The following ASCC3 variants were observed in gnomAD, a reference collection of about 807,000 sequenced individuals.
The protein encoded by ASCC3 is activating signal cointegrator 1 complex subunit 3, also known as ASC-1 complex subunit P200.
A neutral mutation model predicts 256.3 loss-of-function variants in ASCC3; 158 were observed. That is an observed-to-expected ratio of 0.62 (90% CI 0.54 to 0.70). ASCC3 has a LOEUF of 0.70. ASCC3 is among the 30% of genes least tolerant of loss of function. ASCC3 has a pLI of 0.00. For missense variants in ASCC3, 2,259 were observed against 2,626.0 expected (o/e 0.86, Z 3.05); for synonymous variants, 948 against 883.4 (o/e 1.07, Z -1.30).
intron 13 of ASCC3, among the ~76,000 whole-genome samples, chr6:100,686,539 T>C (rs1562226011): frequency 6.6e-6 from 1 of 152,170 alleles, no homozygotes; most frequent in Admixed American, 6.5e-5. Flanking sequence ...CTCACATCAG[T>C]ATAGTTTTCT....
At chr6:100,839,271 T>G (rs971995872) in intron 4 of ASCC3, among the ~76,000 whole-genome samples, 1 of 152,130 alleles carries the variant, frequency 6.6e-6, no homozygotes, top group African/African-American at 2.4e-5. Flanking sequence ...GTTAGATACC[T>G]TTTATGTCCC....
chr6:100,672,822 T>C (rs913883664), intron 14 of ASCC3, among the ~76,000 whole-genome samples: 1 of 152,086 alleles, frequency 6.6e-6, no homozygotes, highest in Non-Finnish European at 1.5e-5. Context: ...TCATAACTGA[T>C]ACATGTGTCT....
chr6:100,761,197 G>A (rs1478539795), intron 10 of ASCC3, among the ~76,000 whole-genome samples: 1 of 152,178 alleles, frequency 6.6e-6, no homozygotes, highest in East Asian at 1.9e-4. Context: ...TTTAAGGGCT[G>A]AAAGAAAAGA....
At chr6:100,788,407 C>T (rs1769191601) in intron 8 of ASCC3, among the ~76,000 whole-genome samples, 1 of 151,810 alleles carries the variant, frequency 6.6e-6, no homozygotes, top group Non-Finnish European at 1.5e-5. Context: ...AAACAGTTTG[C>T]CAGTTTCTTA....
rs1775729021 is a variant in ASCC3 at position 100,652,711 on chromosome 6, C to T, written c.2988+14G>A. ...TTGCATCTAAAATCAAACATATTTG[C>T]ATTAGTATAATACCTCAATGGTGTT... On this transcript the variant is annotated intron_variant, in intron 18 of 41. Coordinates refer to ENST00000369162, the MANE Select transcript of ASCC3 (RefSeq NM_006828.4). 1 of 1,609,482 alleles carries T rather than the reference C, an allele frequency of 6.2e-7. No individual in the cohort carries two copies. The highest frequency in any genetic ancestry group is 8.5e-7 in the Non-Finnish European group (1 of 1,176,388).
rs760271538 is a variant in ASCC3 at position 100,512,901 on chromosome 6, A to G, written c.6093T>C (p.Ser2031=). 1.3e-5 allele frequency: 21 copies of G among 1,613,722 alleles called. No individual in the cohort carries two copies. The highest frequency in any genetic ancestry group is 5.0e-5 in the Admixed American group (3 of 60,000). Residue 2031 remains serine, a synonymous_variant, in exon 40 of 42, where the codon TCT becomes TCC. Coordinates refer to ENST00000369162, the MANE Select transcript of ASCC3 (RefSeq NM_006828.4). ...TGCCAACATTTATCACTGGCAAGTG[A>G]GATAAGAAATTCCATGCCTAAATAA... The part of the protein sequence containing the change: ...AKTKQAWNFL[S]HLPVINVGIS...
At position 100,568,547 on chromosome 6, in the gene ASCC3, G is replaced by GT. The variant is rs1025091729; in HGVS notation, c.5550+21086dup. Among the ~76,000 whole-genome samples the GT allele has an allele frequency of 5.3e-5, 8 of 150,688 alleles. No homozygotes were observed. The East Asian group carries it at 9.7e-4, about 18-fold the overall frequency. The stretch of plus-strand genomic sequence containing the variant: ...ACCCATTTTTAAATAGAGTTATTTC[G>GT]TTTTTTTTGCTTCTTCAATTGCTTA... On this transcript the variant is annotated intron_variant, in intron 36 of 41. Transcript: ENST00000369162.
chr6:100,542,783 C>A (rs1775526618), intron 36 of ASCC3, among the ~76,000 whole-genome samples: 1 of 151,704 alleles, frequency 6.6e-6, no homozygotes, highest in South Asian at 2.1e-4. Context: ...TTCAAACATA[C>A]AAAAGCTGAA....
intron 13 of ASCC3, among the ~76,000 whole-genome samples, chr6:100,702,368 T>C (rs1778396465): frequency 1.3e-5 from 2 of 152,164 alleles, no homozygotes; most frequent in African/African-American, 4.8e-5. Context: ...AGTCATGCCA[T>C]TCACTAAGCT....
chr6:100,583,020 T>C (rs921843615), intron 36 of ASCC3, among the ~76,000 whole-genome samples: 40 of 152,342 alleles, frequency 2.6e-4, no homozygotes, highest in Non-Finnish European at 4.4e-4. Context: ...TGCATCAATG[T>C]TCATCAAGGA....
At chr6:100,756,841 T>G (rs978309241) in intron 10 of ASCC3, among the ~76,000 whole-genome samples, 2 of 152,128 alleles carry the variant, frequency 1.3e-5, no homozygotes, top group African/African-American at 4.8e-5. Context: ...ACAGCCATTA[T>G]GAAATATAAA....
At chr6:100,513,425 C>G (rs545458618) in intron 39 of ASCC3, among the ~76,000 whole-genome samples, 1 of 152,164 alleles carries the variant, frequency 6.6e-6, no homozygotes, top group African/African-American at 2.4e-5. Flanking sequence ...CAGACATTCA[C>G]ATGGCTTCTA....
Position 100,642,088 on chromosome 6 carries a change from C to T in ASCC3, c.3901+493G>A, listed in dbSNP as rs183910474. ...AAATGACGAGTTAATAGGTGCAGCACGCCAACATGGCACATGTACACATAT... is the reference window on the plus strand; with the variant it reads ...AAATGACGAGTTAATAGGTGCAGCATGCCAACATGGCACATGTACACATAT... On this transcript the variant is annotated intron_variant, in intron 24 of 41. Coordinates refer to ENST00000369162, the MANE Select transcript of ASCC3 (RefSeq NM_006828.4). Among the ~76,000 whole-genome samples, 227 of 151,232 alleles carry T rather than the reference C, an allele frequency of 1.5e-3. 1 individual carries two copies. Among genetic ancestry groups the T allele is most frequent in the Non-Finnish European group, 2.1e-3 (142 of 67,896 alleles).
intron 30 of ASCC3, among the ~76,000 whole-genome samples, chr6:100,610,635 T>G (rs1212846989): frequency 1.3e-5 from 2 of 152,192 alleles, no homozygotes; most frequent in East Asian, 3.8e-4. Context: ...AAATAGCTCA[T>G]GTATAAATAG....
At chr6:100,783,594 A>C (rs1782549430) in intron 8 of ASCC3, among the ~76,000 whole-genome samples, 1 of 152,172 alleles carries the variant, frequency 6.6e-6, no homozygotes, top group Non-Finnish European at 1.5e-5. Context: ...AGCTCCAACT[A>C]TGACTTTCTT....
At chr6:100,739,769 G>C (rs909259378) in intron 10 of ASCC3, among the ~76,000 whole-genome samples, 2 of 151,938 alleles carry the variant, frequency 1.3e-5, no homozygotes, top group African/African-American at 4.8e-5. Flanking sequence ...ATTTCTGTGG[G>C]GTCAGTGGTG....
At position 100,800,489 on chromosome 6, in the gene ASCC3, A is replaced by AT. The variant is rs1428596152; in HGVS notation, c.937dup (p.Ile313AsnfsTer7). ...ATTGGGTTTAGCATTTTCTCCTAAA[A>AT]TTTTTTTACAATTGTCTAAGAAGCA... On this transcript the variant is annotated frameshift_variant, in exon 6 of 42. Transcript: ENST00000369162. LOFTEE classifies it high-confidence loss of function. The AT allele has an allele frequency of 1.2e-6, 2 of 1,609,052 alleles. No individual in the cohort carries two copies. Among genetic ancestry groups the AT allele is most frequent in the Non-Finnish European group, 1.7e-6 (2 of 1,177,468 alleles).
intron 20 of ASCC3, 122 bp from the exon 21 acceptor site, chr6:100,647,573 G>T: frequency 1.2e-6 from 1 of 810,592 alleles, no homozygotes. Context: ...TTGAATTGTG[G>T]GGCAATATCT....
chr6:100,662,647 T>C, intron 14 of ASCC3, 111 bp from the exon 15 acceptor site: 1 of 974,618 alleles, frequency 1.0e-6, no homozygotes, highest in South Asian at 1.4e-5. Context: ...TTTAAGCATC[T>C]TAAGGTATTA....
Sources: allele counts gnomAD v4.1 joint callset (sites outside exome capture counted in the v4.1 genomes callset), GRCh38; gene constraint gnomAD v4.1.1; transcripts MANE v1.5; gene names NCBI Gene and HGNC (gene_info 2026-07-23, HGNC 2026-07-21).